RBM4: variants seen among roughly 807,000 people sequenced by gnomAD.
RBM4 encodes RNA binding motif protein 4, also known as RNA-binding protein 4.
Under a neutral mutation model 29.5 loss-of-function variants are expected in RBM4, and 7 were observed. The ratio of observed to expected loss-of-function variants is 0.24; its 90% confidence interval spans 0.14 to 0.45. The LOEUF is 0.45. Ranked by LOEUF, RBM4 falls within the 20% of genes least tolerant of loss-of-function variation. RBM4 has a pLI of 1.00. For synonymous variants in RBM4, 220 were observed against 205.4 expected, an observed-to-expected ratio of 1.07 and a Z score of -0.61; for missense variants, 387 against 502.3, an observed-to-expected ratio of 0.77 and a Z score of 2.19.
chr11:66,646,066 G>T lies in RBM4; in HGVS notation c.*48G>T, dbSNP rs3180590. On this transcript the variant is annotated 3_prime_UTR_variant, in exon 4 of 4. Coordinates refer to ENST00000310092, the MANE Select transcript of RBM4 (RefSeq NM_002896.4). ...GGCTGAAATTCCGAGCTGCGGTTGT[G>T]CATGAGAATACACCCTTCGTGGTAC... is the stretch of plus-strand genomic sequence containing the variant. 1 of 1,536,082 alleles carries T rather than the reference G, an allele frequency of 6.5e-7. No individual in the cohort carries two copies. The highest frequency in any genetic ancestry group is 8.7e-7 in the Non-Finnish European group (1 of 1,146,910).
At chr11:66,640,450 G>A in intron 2 of RBM4, 1 of 486,786 alleles carries the variant, frequency 2.1e-6, no homozygotes, top group Non-Finnish European at 3.6e-6. Flanking sequence ...GTAGAGCACA[G>A]TTCAGAGTTC....
chr11:66,644,506 A>C lies in RBM4; in HGVS notation c.*8+366A>C, dbSNP rs545615762. 1.6e-4 allele frequency: 41 copies of C among 262,846 alleles called. No homozygotes were observed. In the Admixed American group the frequency reaches 2.1e-3, roughly 13 times the overall value. The allele number at this position is 262,846 out of a possible 1,614,324, so 16.3% of individuals were successfully genotyped here. On this transcript the variant is annotated intron_variant, in intron 3 of 3. Transcript: ENST00000310092. The stretch of plus-strand genomic sequence containing the variant: ...GTTTTGTTTCTTAGAGCCTTTGTTA[A>C]GTTTCCTACGTGTGCGACATTCCTA...
intron 2 of RBM4, among the ~76,000 whole-genome samples, chr11:66,660,081 T>C (rs1282848698): frequency 6.6e-6 from 1 of 151,536 alleles, no homozygotes; most frequent in Non-Finnish European, 1.5e-5. Context: ...CCATACTGAC[T>C]CTCCTTTCAG....
At chr11:66,656,948 G>T (rs959373827) in intron 2 of RBM4, among the ~76,000 whole-genome samples, 5 of 151,994 alleles carry the variant, frequency 3.3e-5, no homozygotes, top group African/African-American at 1.2e-4. Context: ...GCACAGTCGT[G>T]AGCCACCATG....
intron 1 of RBM4, chr11:66,639,306 G>GA (rs1938333680): frequency 1.1e-5 from 2 of 183,784 alleles, no homozygotes; most frequent in Admixed American, 1.1e-4. Flanking sequence ...CCTACGTGAG[G>GA]AAAAGCCTGT....
chr11:66,659,302 A>T, intron 2 of RBM4, among the ~76,000 whole-genome samples: 1 of 112,290 alleles, frequency 8.9e-6, no homozygotes. Flanking sequence ...ATGGAGTCTC[A>T]CTCTGTTGCC....
intron 2 of RBM4, among the ~76,000 whole-genome samples, chr11:66,654,142 A>G (rs546516504): frequency 5.3e-5 from 8 of 152,258 alleles, no homozygotes; most frequent in African/African-American, 1.9e-4. Context: ...CTCCCGTCTC[A>G]GCCTCCCAAG....
chr11:66,661,931 G>A (rs1939091196), intron 2 of RBM4, among the ~76,000 whole-genome samples: 1 of 152,182 alleles, frequency 6.6e-6, no homozygotes, highest in Non-Finnish European at 1.5e-5. Context: ...TGGGGAGGTT[G>A]AGACAGGAGA....
intron 1 of RBM4, 71 bp from the exon 2 acceptor site, chr11:66,639,629 A>G: frequency 1.3e-6 from 2 of 1,534,062 alleles, no homozygotes; most frequent in Non-Finnish European, 1.8e-6. Context: ...CATTAGAGTG[A>G]AAGTCGTTGT....
intron 2 of RBM4, chr11:66,641,095 T>G (rs566952837): frequency 1.2e-4 from 19 of 152,342 alleles, no homozygotes; most frequent in African/African-American, 3.8e-4. Flanking sequence ...TCACCTCCTT[T>G]GGGTTCCCAG....
At chr11:66,654,203 T>C (rs1426882229) in intron 2 of RBM4, among the ~76,000 whole-genome samples, 2 of 152,002 alleles carry the variant, frequency 1.3e-5, no homozygotes, top group East Asian at 3.9e-4. Context: ...AGAAGAATTT[T>C]ATTTTTGGCC....
In RBM4 at chr11:66,639,869, G is replaced by T; in HGVS notation, c.158G>T (p.Arg53Leu). Residue 53 changes from arginine (R) to leucine (L), a missense_variant, in exon 2 of 4, where the codon CGC (arginine) becomes CTC (leucine). By Grantham distance (102) the Arg-to-Leu change is moderately radical. Around this residue, in one of 2 missense-constraint regions of RBM4, gnomAD observed 106 missense variants for 213.6 expected, o/e 0.50. Transcript: ENST00000310092. ...EDKTAAEDAI[R>L]NLHHYKLHGV... ...AAGACGGCAGCTGAGGATGCCATAC[G>T]CAACCTGCACCATTACAAGCTTCAT... The T allele has an allele frequency of 6.2e-7, 1 of 1,614,100 alleles. No individual in the cohort carries two copies. The highest frequency in any genetic ancestry group is 8.5e-7 in the Non-Finnish European group (1 of 1,180,028).
intron 2 of RBM4, among the ~76,000 whole-genome samples, chr11:66,659,041 T>G (rs1939021327): frequency 6.6e-6 from 1 of 151,748 alleles, no homozygotes; most frequent in East Asian, 1.9e-4. Flanking sequence ...TTAAAATTTT[T>G]TTTTTTCCTA....
At chr11:66,660,649 CTTTTT>C (rs746698768) in intron 2 of RBM4, among the ~76,000 whole-genome samples, 3 of 132,612 alleles carry the variant, frequency 2.3e-5, no homozygotes, top group Non-Finnish European at 4.9e-5. Context: ...CCGACCTAAA[CTTTTT>C]TTTTTTTTTT....
chr11:66,644,104 C>G lies in RBM4; in HGVS notation c.1067C>G (p.Ala356Gly). The G allele has an allele frequency of 6.2e-7, 1 of 1,613,870 alleles. No individual in the cohort carries two copies. Among genetic ancestry groups the G allele is most frequent in the Non-Finnish European group, 8.5e-7 (1 of 1,179,926 alleles). ...GCCCGGTATGAGCGGGAGCAGTATG[C>G]CGATCGGGCGCGGTACTCAGCCTTT... ...DMARYEREQYADRARYSAF is the reference protein window; with the variant it reads ...DMARYEREQYGDRARYSAF Residue 356 changes from alanine (A) to glycine (G), a missense_variant, in exon 3 of 4, where the codon GCC becomes GGC. Ala to Gly is a moderately conservative substitution (Grantham distance 60). Around this residue, in one of 2 missense-constraint regions of RBM4, gnomAD observed 281 missense variants for 288.7 expected, o/e 0.97. Transcript: ENST00000310092.
chr11:66,646,595 A>C, downstream of RBM4: 1 of 975,818 alleles, frequency 1.0e-6, no homozygotes, highest in Non-Finnish European at 1.2e-6. Flanking sequence ...TATTTTGTTT[A>C]TTGTAAGTAG....
downstream of RBM4, among the ~76,000 whole-genome samples, chr11:66,650,814 G>C (rs2135078972): frequency 6.6e-6 from 1 of 152,308 alleles, no homozygotes; most frequent in East Asian, 1.9e-4. Flanking sequence ...AGTGAGCTGA[G>C]ATTGCGCCAC....
At chr11:66,650,904 G>T (rs886540471), downstream of RBM4, among the ~76,000 whole-genome samples, 3 of 152,002 alleles carry the variant, frequency 2.0e-5, no homozygotes, top group African/African-American at 7.3e-5. Context: ...AAATGAGCCG[G>T]TCATGCTACT....
intron 2 of RBM4, among the ~76,000 whole-genome samples, chr11:66,663,886 T>C (rs983394294): frequency 6.6e-6 from 1 of 152,150 alleles, no homozygotes; most frequent in African/African-American, 2.4e-5. Context: ...GCCTTTAAAC[T>C]GGTTTAAGAG....
Sources: allele counts gnomAD v4.1 joint callset (sites outside exome capture counted in the v4.1 genomes callset), GRCh38; gene constraint gnomAD v4.1.1; regional missense constraint gnomAD v4.1.1; transcripts MANE v1.5; gene names NCBI Gene and HGNC (gene_info 2026-07-23, HGNC 2026-07-21).